Variants in PCDHA12 observed in about 807,000 individuals in gnomAD.
The protein encoded by PCDHA12 is protocadherin alpha-12.
In PCDHA12, 44 loss-of-function variants were observed where a neutral mutation model predicts 60.0. The ratio of observed to expected loss-of-function variants is 0.73; its 90% CI spans 0.58 to 0.94. The LOEUF (loss-of-function observed/expected upper bound fraction) is 0.94. PCDHA12 is among the 40% of genes least tolerant of loss of function. The pLI is 0.00. For missense variants in PCDHA12, 1,276 were observed against 1,239.7 expected, an observed-to-expected ratio of 1.03 and a Z score of -0.44; for synonymous variants, 569 against 553.0, an observed-to-expected ratio of 1.03 and a Z score of -0.40.
chr5:140,998,755 A>G (rs940678929), intron 3 of PCDHA12, among the ~76,000 whole-genome samples: 2 of 152,062 alleles, frequency 1.3e-5, no homozygotes, highest in African/African-American at 4.8e-5. Flanking sequence ...GAAGAGACAC[A>G]GTTTCACTAT....
In PCDHA12 at chr5:140,877,575, C is replaced by G. The variant is rs1244471489; in HGVS notation, c.2103C>G (p.Ile701Met). The part of the protein sequence containing the change: ...AALVDINVYL[I>M]IAICAVSSLL... The stretch of plus-strand genomic sequence containing the variant: ...TGGTGGATATTAACGTGTACCTCAT[C>G]ATCGCCATCTGTGCGGTGTCCAGCC... The change falls in exon 1 of 4, where the codon ATC becomes ATG. Residue 701 changes from isoleucine to methionine, a missense_variant. Coordinates refer to ENST00000398631, the MANE Select transcript of PCDHA12 (RefSeq NM_018903.4). 1 of 1,613,708 alleles carries G rather than the reference C, an allele frequency of 6.2e-7. No individual in the cohort carries two copies. Among genetic ancestry groups the G allele is most frequent in the East Asian group, 2.2e-5 (1 of 44,886 alleles).
intron 1 of PCDHA12, among the ~76,000 whole-genome samples, chr5:140,950,918 G>C (rs1229704497): frequency 6.6e-6 from 1 of 151,584 alleles, no homozygotes; most frequent in African/African-American, 2.4e-5. Context: ...TTTTATTTCA[G>C]TTCTTTTTCT....
intron 3 of PCDHA12, among the ~76,000 whole-genome samples, chr5:140,990,224 G>A (rs1368393390): frequency 6.6e-6 from 1 of 152,160 alleles, no homozygotes; most frequent in South Asian, 2.1e-4. Flanking sequence ...GAAGTTTATT[G>A]TAACTAGCGT....
chr5:140,999,693 AT>A (rs202183337), intron 3 of PCDHA12, among the ~76,000 whole-genome samples: 13 of 151,522 alleles, frequency 8.6e-5, no homozygotes, highest in African/African-American at 2.4e-4. Flanking sequence ...AAGAAATGTG[AT>A]TTTTTTTTAG....
rs1554168557 is a variant in PCDHA12, at chr5:140,876,437, C to T, written c.965C>T (p.Ala322Val). Residue 322 changes from alanine to valine, a missense_variant, in exon 1 of 4, where the codon GCC (alanine) becomes GTC (valine). Ala to Val is a moderately conservative substitution (Grantham distance 64). Coordinates refer to ENST00000398631, the MANE Select transcript of PCDHA12 (RefSeq NM_018903.4). ...AATGCCTATGAAATTCAGGTTAACGCCATTGATAAAGGGATTCCTTCCATG... is the reference window on the plus strand; with the variant it reads ...AATGCCTATGAAATTCAGGTTAACGTCATTGATAAAGGGATTCCTTCCATG... ...ENNAYEIQVNAIDKGIPSMAG... is the reference protein window; with the variant it reads ...ENNAYEIQVNVIDKGIPSMAG... 1 of 1,613,906 alleles carries T rather than the reference C, an allele frequency of 6.2e-7. No individual in the cohort carries two copies. Among genetic ancestry groups the T allele is most frequent in the Non-Finnish European group, 8.5e-7 (1 of 1,179,882 alleles).
chr5:140,984,428 G>A (rs2097103075), intron 3 of PCDHA12, among the ~76,000 whole-genome samples: 1 of 152,100 alleles, frequency 6.6e-6, no homozygotes, highest in African/African-American at 2.4e-5. Context: ...ATAGAGAAGG[G>A]GATCTCCCTT....
At chr5:140,909,038 A>C (rs1396337089) in intron 1 of PCDHA12, among the ~76,000 whole-genome samples, 1 of 152,126 alleles carries the variant, frequency 6.6e-6, no homozygotes, top group African/African-American at 2.4e-5. Context: ...TTTATTTTCC[A>C]TACTCTGGCA....
At chr5:140,983,641 C>T (rs1030470329) in intron 3 of PCDHA12, among the ~76,000 whole-genome samples, 4 of 152,164 alleles carry the variant, frequency 2.6e-5, no homozygotes, top group Admixed American at 1.3e-4. Flanking sequence ...CCCAAGTTCA[C>T]GTAGCTTGTA....
intron 1 of PCDHA12, chr5:140,884,324 G>T (rs782624216): frequency 1.2e-6 from 2 of 1,613,840 alleles, no homozygotes; most frequent in Non-Finnish European, 1.7e-6. Context: ...GTCGGCAGGC[G>T]CTGTGGGTCC....
chr5:140,939,501 G>A (rs1270789150), intron 1 of PCDHA12, among the ~76,000 whole-genome samples: 1 of 150,708 alleles, frequency 6.6e-6, no homozygotes. Context: ...TAAATTCAAT[G>A]TCTATAACAT....
At chr5:140,927,172 G>A (rs782548172) in intron 1 of PCDHA12, 7 of 1,614,034 alleles carry the variant, frequency 4.3e-6, no homozygotes, top group East Asian at 4.5e-5. Context: ...AGCTGCCTGC[G>A]TCTTGACCTA....
At position 140,882,350 on chromosome 5, in the gene PCDHA12, A is replaced by G. The variant is rs782733540; in HGVS notation, c.2367+4511A>G. ...GATCCTCGCAGCCTGGGAGACGGGT[A>G]GTGGCCAGCTCCACTACTCCGTCCC... is the stretch of plus-strand genomic sequence containing the variant. On this transcript the variant is annotated intron_variant, in intron 1 of 3. Transcript: ENST00000398631. The G allele has an allele frequency of 1.9e-6, 3 of 1,614,176 alleles. No individual in the cohort carries two copies. In the Admixed American group the frequency reaches 5.0e-5, roughly 27 times the overall value.
chr5:140,875,498 C>G lies in PCDHA12; in HGVS notation c.26C>G (p.Pro9Arg). 1.9e-6 allele frequency: 3 copies of G among 1,613,292 alleles called. No homozygotes were observed. Among genetic ancestry groups the G allele is most frequent in the Non-Finnish European group, 1.7e-6 (2 of 1,179,476 alleles). MVIIGPRG[P>R]GSQRLLLSLL... ...ATGGTGATTATCGGACCAAGAGGCCCGGGATCCCAGCGTCTGCTGCTCTCG... is the reference window on the plus strand; with the variant it reads ...ATGGTGATTATCGGACCAAGAGGCCGGGGATCCCAGCGTCTGCTGCTCTCG... The change falls in exon 1 of 4, where the codon CCG becomes CGG. Residue 9 changes from proline (P) to arginine (R), a missense_variant. Physicochemically the swap from Pro to Arg is moderately radical, Grantham distance 103. Transcript: ENST00000398631.
intron 1 of PCDHA12, among the ~76,000 whole-genome samples, chr5:140,937,150 G>A (rs2153631833): frequency 6.7e-6 from 1 of 149,812 alleles, no homozygotes; most frequent in East Asian, 2.0e-4. Context: ...CCATTCTCCT[G>A]CCTCAGCCTC....
At chr5:140,893,088 T>C (rs1340937679) in intron 1 of PCDHA12, among the ~76,000 whole-genome samples, 2 of 152,372 alleles carry the variant, frequency 1.3e-5, no homozygotes, top group African/African-American at 4.8e-5. Flanking sequence ...CATTCTTTTT[T>C]ATGGCTGGAT....
At chr5:140,967,498 T>A (rs1554229623) in intron 1 of PCDHA12, 3 of 1,613,108 alleles carry the variant, frequency 1.9e-6, no homozygotes, top group Non-Finnish European at 2.5e-6. Flanking sequence ...CACAGATCTC[T>A]GTGCGTGTCC....
Position 140,929,423 on chromosome 5 carries a change from C to T in PCDHA12, c.2368-49526C>T, listed in dbSNP as rs1435902323. 4.7e-6 allele frequency: 7 copies of T among 1,499,372 alleles called. No homozygotes were observed. In the Admixed American group the frequency reaches 7.1e-5, roughly 15 times the overall value. The allele number at this position is 1,499,372 out of a possible 1,614,324, so 92.9% of individuals were successfully genotyped here. A position where few individuals can be genotyped will look rare whatever the true frequency, so the allele number is the denominator to read the frequency against. The stretch of plus-strand genomic sequence containing the variant: ...AGACAAGCCTTTCACAACATTTCAT[C>T]AATTGAACTAAACACTCCTTCTTAG... On this transcript the variant is annotated intron_variant, in intron 1 of 3. Transcript: ENST00000398631.
At chr5:140,968,598 A>G in intron 1 of PCDHA12, 2 of 1,614,102 alleles carry the variant, frequency 1.2e-6, no homozygotes, top group Non-Finnish European at 1.7e-6. Flanking sequence ...ATAGCTATGG[A>G]CTCAGACTCT....
chr5:140,898,765 G>C (rs1336398509), intron 1 of PCDHA12, among the ~76,000 whole-genome samples: 1 of 151,640 alleles, frequency 6.6e-6, no homozygotes, highest in African/African-American at 2.4e-5. Context: ...CATTGAATCT[G>C]TAAATTACCT....
Sources: gnomAD v4.1 joint callset for allele counts (sites outside exome capture counted in the v4.1 genomes callset) on GRCh38, gnomAD v4.1.1 for gene constraint, MANE v1.5 for transcripts, NCBI Gene and HGNC (gene_info 2026-07-23, HGNC 2026-07-21) for gene names.